The following TANGO6 variants were observed in gnomAD, a reference collection of about 807,000 sequenced individuals.
The protein encoded by TANGO6 is transport and golgi organization 6 homolog, also known as transport and Golgi organization protein 6 homolog.
TANGO6 carries 90 observed loss-of-function variants against 114.2 expected under a neutral mutation model. The ratio of observed to expected loss-of-function variants is 0.79; its 90% CI spans 0.66 to 0.94. TANGO6 has a LOEUF of 0.94. Ranked by LOEUF, TANGO6 falls within the 40% of genes least tolerant of loss-of-function variation. TANGO6 has a pLI of 0.00. For missense variants in TANGO6, 1,274 were observed against 1,315.3 expected (o/e 0.97, Z 0.49); for synonymous variants, 477 against 509.8 (o/e 0.94, Z 0.87).
At chr16:68,980,416 T>C (rs1418903924) in intron 15 of TANGO6, among the ~76,000 whole-genome samples, 2 of 88,586 alleles carry the variant, frequency 2.3e-5, no homozygotes, top group African/African-American at 4.6e-5. Flanking sequence ...TCTCTATATA[T>C]ATATATATAT....
chr16:68,948,523 TAATC>T, intron 14 of TANGO6, among the ~76,000 whole-genome samples: 1 of 152,292 alleles, frequency 6.6e-6, no homozygotes, highest in Non-Finnish European at 1.5e-5. Context: ...CAGGGAAAAA[TAATC>T]AATCATAGTG....
At chr16:68,860,923 C>T (rs1962083535) in intron 2 of TANGO6, among the ~76,000 whole-genome samples, 1 of 152,222 alleles carries the variant, frequency 6.6e-6, no homozygotes, top group African/African-American at 2.4e-5. Flanking sequence ...AGTATCATGG[C>T]TCCCTCATTA....
At chr16:69,066,023 G>A (rs1000604699) in intron 17 of TANGO6, among the ~76,000 whole-genome samples, 4 of 152,066 alleles carry the variant, frequency 2.6e-5, no homozygotes. Flanking sequence ...TGCTTCCCCG[G>A]CAGAATTCTT....
At chr16:68,927,122 C>A (rs9921421) in intron 12 of TANGO6, among the ~76,000 whole-genome samples, 13,310 of 152,188 alleles carry the variant, frequency 0.087, 669 homozygotes, top group African/African-American at 0.13. Flanking sequence ...TACTGACTGG[C>A]CACTTTAGAT....
intron 1 of TANGO6, among the ~76,000 whole-genome samples, chr16:68,849,028 G>T (rs775197694): frequency 1.3e-4 from 20 of 152,070 alleles, no homozygotes; most frequent in Non-Finnish European, 2.5e-4. Context: ...GCGGACACAG[G>T]ATATTCATTG....
intron 17 of TANGO6, among the ~76,000 whole-genome samples, chr16:69,068,880 A>AT (rs1292465425): frequency 6.6e-6 from 1 of 151,610 alleles, no homozygotes; most frequent in African/African-American, 2.4e-5. Flanking sequence ...CGCCCAGGTA[A>AT]TTTTTTTCCT....
At chr16:68,968,105 G>A (rs1267883854) in intron 14 of TANGO6, among the ~76,000 whole-genome samples, 1 of 151,522 alleles carries the variant, frequency 6.6e-6, no homozygotes, top group Non-Finnish European at 1.5e-5. Flanking sequence ...TCACTCTGTC[G>A]CCCAGGCTGA....
chr16:69,055,381 C>G (rs1470275021), intron 17 of TANGO6, among the ~76,000 whole-genome samples: 2 of 152,148 alleles, frequency 1.3e-5, no homozygotes, highest in African/African-American at 4.8e-5. Flanking sequence ...ACCTTCAGTC[C>G]CCTGTCCTGG....
At chr16:68,911,415 C>CCTTTTT (rs1567537968) in intron 11 of TANGO6, among the ~76,000 whole-genome samples, 1 of 133,622 alleles carries the variant, frequency 7.5e-6, no homozygotes. Flanking sequence ...TTTATAGTTT[C>CCTTTTT]TTTTTTTTTT....
intron 15 of TANGO6, among the ~76,000 whole-genome samples, chr16:68,988,710 T>C (rs1460739865): frequency 6.7e-6 from 1 of 148,960 alleles, no homozygotes; most frequent in Admixed American, 6.6e-5. Flanking sequence ...TTTTTTTTTT[T>C]TTTGAGACAG....
chr16:68,921,607 C>CTT (rs1167059062), intron 12 of TANGO6, among the ~76,000 whole-genome samples: 1,061 of 57,886 alleles, frequency 0.018, 78 homozygotes, highest in African/African-American at 0.05. Flanking sequence ...TGAGAGTGTG[C>CTT]TTTTTTTTTT....
chr16:68,940,011 T>A (rs61626241), intron 14 of TANGO6, among the ~76,000 whole-genome samples: 5,367 of 152,058 alleles, frequency 0.035, 334 homozygotes, highest in African/African-American at 0.12. Flanking sequence ...AGGATTTTTT[T>A]AAAAATATAA....
At chr16:68,939,722 T>G (rs1963332842) in intron 14 of TANGO6, among the ~76,000 whole-genome samples, 1 of 152,226 alleles carries the variant, frequency 6.6e-6, no homozygotes, top group Non-Finnish European at 1.5e-5. Context: ...GATATGCATG[T>G]GCATATGTAT....
chr16:68,878,598 CTACAG>C (rs1962407881), intron 6 of TANGO6, among the ~76,000 whole-genome samples: 2 of 151,036 alleles, frequency 1.3e-5, no homozygotes, highest in African/African-American at 2.5e-5. Context: ...CCCCTAAATA[CTACAG>C]TATGCATCCC....
chr16:68,857,015 C>T (rs774195830), intron 1 of TANGO6, among the ~76,000 whole-genome samples: 9 of 152,118 alleles, frequency 5.9e-5, no homozygotes, highest in African/African-American at 9.7e-5. Context: ...AGGCTGAGGC[C>T]GGAGAATGGC....
intron 4 of TANGO6, 199 bp downstream of exon 4, chr16:68,867,419 T>A: frequency 1.7e-6 from 1 of 588,266 alleles, no homozygotes; most frequent in Non-Finnish European, 2.9e-6. Flanking sequence ...GCTCTTTTCC[T>A]AAAACACTTG....
intron 17 of TANGO6, among the ~76,000 whole-genome samples, chr16:69,043,270 G>A (rs1256129565): frequency 2.1e-5 from 3 of 139,698 alleles, no homozygotes; most frequent in Non-Finnish European, 4.7e-5. Flanking sequence ...GAGAGCGAGC[G>A]AGAGACAGAG....
At chr16:69,038,675 A>G (rs745623782) in intron 16 of TANGO6, among the ~76,000 whole-genome samples, 8 of 152,128 alleles carry the variant, frequency 5.3e-5, no homozygotes, top group Non-Finnish European at 7.3e-5. Context: ...TGATTTTATG[A>G]CATAATTAAC....
chr16:68,860,825 C>T (rs550303155), intron 2 of TANGO6, among the ~76,000 whole-genome samples: 1 of 152,190 alleles, frequency 6.6e-6, no homozygotes, highest in East Asian at 1.9e-4. Flanking sequence ...ATCATAATAC[C>T]TGCCTCGGAA....
Sources: allele counts gnomAD v4.1 joint callset (sites outside exome capture counted in the v4.1 genomes callset), GRCh38; gene constraint gnomAD v4.1.1; transcripts MANE v1.5; gene names NCBI Gene and HGNC (gene_info 2026-07-23, HGNC 2026-07-21).